MYPN: variants seen among roughly 807,000 people sequenced by gnomAD.
The protein encoded by MYPN is sarcomeric protein myopalladin, 145 kDa (MYOP).
In MYPN, 63 loss-of-function variants were observed where a neutral mutation model predicts 129.4. The ratio of observed to expected loss-of-function variants is 0.49; its 90% CI spans 0.40 to 0.60. The LOEUF is 0.60. Among genes scored for constraint, MYPN ranks in the 20% least tolerant of loss-of-function variants. The pLI is 0.00. For missense variants in MYPN, 1,596 were observed against 1,635.4 expected (o/e 0.98, Z 0.42); for synonymous variants, 629 against 600.9 (o/e 1.05, Z -0.68).
intron 10 of MYPN, among the ~76,000 whole-genome samples, chr10:68,170,978 G>A (rs1237600346): frequency 1.3e-5 from 2 of 151,698 alleles, no homozygotes; most frequent in African/African-American, 2.4e-5. Flanking sequence ...GTGAAACCCC[G>A]TCTCTACTAA....
upstream of MYPN, among the ~76,000 whole-genome samples, chr10:68,103,299 A>T (rs1237076680): frequency 6.6e-6 from 1 of 152,158 alleles, no homozygotes; most frequent in Non-Finnish European, 1.5e-5. Context: ...GTTTCATTCC[A>T]TTTGGCACTT....
At chr10:68,169,226 C>T (rs1381365628) in intron 10 of MYPN, among the ~76,000 whole-genome samples, 3 of 141,518 alleles carry the variant, frequency 2.1e-5, no homozygotes, top group South Asian at 2.2e-4. Flanking sequence ...GGTGTTGTGG[C>T]GGGCGCCTGT....
In MYPN at chr10:68,189,170, C is replaced by CTAT. The variant is rs2134258537; in HGVS notation, c.2925+45_2925+47dup. ...CAGTTGGCCACCTCACAGCATGAAG[C>CTAT]TATAGACAGTGCCTTCAAGAAGGTC... On this transcript the variant is annotated intron_variant, in intron 13 of 19. Coordinates refer to ENST00000358913, the MANE Select transcript of MYPN (RefSeq NM_032578.4). The CTAT allele has an allele frequency of 2.8e-6, 4 of 1,412,438 alleles. No individual in the cohort carries two copies. The East Asian group carries it at 9.1e-5, about 32-fold the overall frequency. The allele number at this position is 1,412,438 out of a possible 1,614,324, so 87.5% of individuals were successfully genotyped here.
At chr10:68,184,282 GAT>G (rs1179364689) in intron 12 of MYPN, among the ~76,000 whole-genome samples, 1 of 152,212 alleles carries the variant, frequency 6.6e-6, no homozygotes, top group Non-Finnish European at 1.5e-5. Context: ...TATCCACCTT[GAT>G]ATGCCCTTTT....
At position 68,148,456 on chromosome 10, in the gene MYPN, A is replaced by G; in HGVS notation, c.1234A>G (p.Thr412Ala). 6.2e-7 allele frequency: 1 copy of G among 1,613,920 alleles called. No individual in the cohort carries two copies. The highest frequency in any genetic ancestry group is 1.3e-5 in the African/African-American group (1 of 75,040). ...TTTGGTGGCCCAACCTCGTGTGGCA[A>G]CCATCCAGCAGGTACAAGAATCCAA... ...QHLVAQPRVA[T>A]IQQCQSPTNY... The change falls in exon 5 of 20, where the codon ACC becomes GCC. Residue 412 changes from threonine to alanine, a missense_variant. Thr to Ala is a moderately conservative substitution (Grantham distance 58). Transcript: ENST00000358913.
At chr10:68,206,323 G>A (rs937306910) in intron 18 of MYPN, among the ~76,000 whole-genome samples, 4 of 152,062 alleles carry the variant, frequency 2.6e-5, no homozygotes, top group Non-Finnish European at 4.4e-5. Flanking sequence ...CCTAAACCTC[G>A]TGAAGCTGGA....
chr10:68,210,268 A>G lies in MYPN; in HGVS notation c.3794-18A>G, dbSNP rs753838876. 1.6e-5 allele frequency: 25 copies of G among 1,612,424 alleles called. No homozygotes were observed. The highest frequency in any genetic ancestry group is 2.1e-5 in the Non-Finnish European group (25 of 1,179,920). On this transcript the variant is annotated intron_variant, in intron 19 of 19. Coordinates refer to ENST00000358913, the MANE Select transcript of MYPN (RefSeq NM_032578.4). ...TGCATTCCTTTGATCATAACACATT[A>G]TTTGGTCCATTTTCCAGCTCAGTGG...
intron 12 of MYPN, among the ~76,000 whole-genome samples, chr10:68,181,585 C>T (rs546246675): frequency 6.6e-6 from 1 of 152,090 alleles, no homozygotes; most frequent in South Asian, 2.1e-4. Flanking sequence ...CCACCATGCC[C>T]GGCCTAACTT....
chr10:68,106,288 G>GT (rs565178181), upstream of MYPN: 47,013 of 310,492 alleles, frequency 0.15, 15 homozygotes, highest in South Asian at 0.26. Context: ...TGAACTTTTA[G>GT]TTTTTTTTTT....
rs1351081100 is a variant in MYPN, at chr10:68,174,493, A to G, written c.2401A>G (p.Ile801Val). ...AACACCACCACCATTCACATTTTCC[A>G]TCCCCAGCGGAAACCAGTTTCAGCC... The part of the protein sequence containing the change: ...EPTPPPFTFS[I>V]PSGNQFQPRC... The change falls in exon 11 of 20, where the codon ATC becomes GTC. Residue 801 changes from isoleucine to valine, a missense_variant. By Grantham distance (29) the Ile-to-Val change is conservative. Transcript: ENST00000358913. The G allele has an allele frequency of 6.2e-7, 1 of 1,613,790 alleles. No individual in the cohort carries two copies. The highest frequency in any genetic ancestry group is 8.5e-7 in the Non-Finnish European group (1 of 1,179,944).
chr10:68,136,866 T>A, intron 2 of MYPN: 1 of 971,922 alleles, frequency 1.0e-6, no homozygotes, highest in South Asian at 2.0e-5. Flanking sequence ...AAAAGCCAAA[T>A]GTTATTAAAG....
intron 2 of MYPN, among the ~76,000 whole-genome samples, chr10:68,133,248 C>T (rs1330077950): frequency 6.6e-6 from 1 of 152,082 alleles, no homozygotes; most frequent in Non-Finnish European, 1.5e-5. Flanking sequence ...TAGTCTCGAA[C>T]TCCTGACCTT....
intron 19 of MYPN, among the ~76,000 whole-genome samples, chr10:68,207,933 C>T (rs1243845218): frequency 6.6e-6 from 1 of 151,554 alleles, no homozygotes; most frequent in Admixed American, 6.6e-5. Context: ...CTCCCCCACA[C>T]TTAAATTGAC....
intron 12 of MYPN, among the ~76,000 whole-genome samples, chr10:68,181,478 T>C (rs10997989): frequency 0.013 from 1,974 of 151,946 alleles, 49 homozygotes; most frequent in African/African-American, 0.046. Flanking sequence ...GTAGTAGAGA[T>C]GGGGTTTCAC....
rs542851066 is a variant in MYPN, at chr10:68,147,690, C to T, written c.1131-663C>T. Reference sequence around the variant, plus strand: ...GCCGTTTACCGAGAGAGATGGCCTTCCCCTCTGGACGTAGGTTCTCCCTGG... The same window carrying T: ...GCCGTTTACCGAGAGAGATGGCCTTTCCCTCTGGACGTAGGTTCTCCCTGG... On this transcript the variant is annotated intron_variant, in intron 4 of 19. Coordinates refer to ENST00000358913, the MANE Select transcript of MYPN (RefSeq NM_032578.4). Among the ~76,000 whole-genome samples the T allele has an allele frequency of 7.2e-5, 11 of 152,256 alleles. No individual in the cohort carries two copies. The East Asian group carries it at 1.9e-3, about 27-fold the overall frequency.
intron 13 of MYPN, among the ~76,000 whole-genome samples, chr10:68,189,990 C>G (rs1179568767): frequency 6.6e-6 from 1 of 152,142 alleles, no homozygotes; most frequent in Non-Finnish European, 1.5e-5. Context: ...TTTCCACCAA[C>G]AGTGTATGAG....
At chr10:68,143,150 T>G in intron 3 of MYPN, 35 bp downstream of exon 3, 2 of 1,584,436 alleles carry the variant, frequency 1.3e-6, no homozygotes, top group Non-Finnish European at 1.7e-6. Context: ...TGACACTTAA[T>G]AGTAAGACAT....
At chr10:68,097,968 G>A (rs560605108) in intron 1 of MYPN, among the ~76,000 whole-genome samples, 4 of 152,178 alleles carry the variant, frequency 2.6e-5, no homozygotes, top group East Asian at 1.9e-4. Flanking sequence ...ATTTTAGGCC[G>A]GGCATGGTGG....
chr10:68,104,308 T>C (rs750312419), upstream of MYPN, among the ~76,000 whole-genome samples: 2 of 152,212 alleles, frequency 1.3e-5, no homozygotes, highest in African/African-American at 2.4e-5. Context: ...TCCTGGCATA[T>C]TGGCATATTT....
Sources: gnomAD v4.1 joint callset for allele counts (sites outside exome capture counted in the v4.1 genomes callset) on GRCh38, gnomAD v4.1.1 for gene constraint, MANE v1.5 for transcripts, NCBI Gene and HGNC (gene_info 2026-07-23, HGNC 2026-07-21) for gene names.